The following LRFN2 variants were observed in gnomAD, a reference collection of about 807,000 sequenced individuals.
LRFN2 encodes leucine rich repeat and fibronectin type III domain containing 2.
In LRFN2, 18 loss-of-function variants were observed where a neutral mutation model predicts 37.3. That is an observed-to-expected ratio of 0.48 (90% CI 0.33 to 0.72). The LOEUF (loss-of-function observed/expected upper bound fraction) is 0.72, where lower values mean the gene tolerates loss of function less well. LRFN2 is among the 30% of genes least tolerant of loss of function. LRFN2 has a pLI of 0.02. For synonymous variants in LRFN2, 556 were observed against 466.6 expected, an observed-to-expected ratio of 1.19 and a Z score of -2.47; for missense variants, 1,006 against 1,060.7, an observed-to-expected ratio of 0.95 and a Z score of 0.72.
At chr6:40,419,908 T>C (rs1763181459) in intron 2 of LRFN2, among the ~76,000 whole-genome samples, 1 of 152,226 alleles carries the variant, frequency 6.6e-6, no homozygotes. Context: ...TTTAACCTTT[T>C]GCGGGGCTAA....
At chr6:40,444,187 G>A (rs1459863077) in intron 1 of LRFN2, among the ~76,000 whole-genome samples, 1 of 152,176 alleles carries the variant, frequency 6.6e-6, no homozygotes, top group Admixed American at 6.5e-5. Flanking sequence ...GCACAGACAG[G>A]TAGTCCTTCT....
intron 1 of LRFN2, among the ~76,000 whole-genome samples, chr6:40,504,626 C>T (rs1333168501): frequency 6.6e-6 from 1 of 152,098 alleles, no homozygotes; most frequent in Middle Eastern, 3.2e-3. Flanking sequence ...CAGAAGGAAA[C>T]AGTACAGAAA....
At chr6:40,481,574 T>A (rs77709169) in intron 1 of LRFN2, among the ~76,000 whole-genome samples, 2,421 of 152,296 alleles carry the variant, frequency 0.016, 61 homozygotes, top group African/African-American at 0.052. Context: ...TTGAATTTGC[T>A]TATTTTTCTT....
chr6:40,539,374 C>T (rs764888433), intron 1 of LRFN2, among the ~76,000 whole-genome samples: 26 of 152,166 alleles, frequency 1.7e-4, no homozygotes, highest in Non-Finnish European at 3.7e-4. Flanking sequence ...AAGGGTTCAG[C>T]GTAAGCCAAT....
chr6:40,433,963 C>T (rs927747141), intron 1 of LRFN2, among the ~76,000 whole-genome samples: 3 of 152,162 alleles, frequency 2.0e-5, no homozygotes, highest in Non-Finnish European at 4.4e-5. Flanking sequence ...GGCCTCAGAG[C>T]CTCCTTTGGA....
intron 1 of LRFN2, among the ~76,000 whole-genome samples, chr6:40,527,079 C>A (rs1453621496): frequency 6.6e-6 from 1 of 152,162 alleles, no homozygotes; most frequent in Non-Finnish European, 1.5e-5. Flanking sequence ...AAATGTGAGA[C>A]CAGTGATATC....
intron 1 of LRFN2, among the ~76,000 whole-genome samples, chr6:40,495,811 G>C (rs1765211787): frequency 6.6e-6 from 1 of 152,136 alleles, no homozygotes; most frequent in Non-Finnish European, 1.5e-5. Flanking sequence ...CTACTGAGAT[G>C]ATCATATCTG....
intron 1 of LRFN2, among the ~76,000 whole-genome samples, chr6:40,574,453 G>A (rs1033483): frequency 0.98 from 148,599 of 152,126 alleles, 72,618 homozygotes; most frequent in Middle Eastern, 1. Flanking sequence ...AGTAGCAGCT[G>A]TTAATAAGAA....
At chr6:40,517,026 G>A (rs1765898346) in intron 1 of LRFN2, among the ~76,000 whole-genome samples, 1 of 152,122 alleles carries the variant, frequency 6.6e-6, no homozygotes, top group African/African-American at 2.4e-5. Context: ...TGCCTGCATA[G>A]GGCTTACTTT....
intron 1 of LRFN2, among the ~76,000 whole-genome samples, chr6:40,548,440 C>CAAAAAAAAAAAAAAAA (rs67639435): frequency 3.4e-4 from 49 of 142,708 alleles, no homozygotes; most frequent in African/African-American, 1.0e-3. Flanking sequence ...GACTCCATCT[C>CAAAAAAAAAAAAAAAA]AAAAAAAAAA....
intron 1 of LRFN2, among the ~76,000 whole-genome samples, chr6:40,440,527 C>A (rs1248984133): frequency 6.6e-6 from 1 of 152,206 alleles, no homozygotes; most frequent in Non-Finnish European, 1.5e-5. Context: ...GATGCTCCAG[C>A]ATGAACAGAC....
At chr6:40,424,986 G>A (rs1763316383) in intron 2 of LRFN2, among the ~76,000 whole-genome samples, 1 of 152,246 alleles carries the variant, frequency 6.6e-6, no homozygotes, top group Non-Finnish European at 1.5e-5. Context: ...GAGGTGTGGA[G>A]TGGTAAGGTC....
At chr6:40,525,510 C>T (rs371692961) in intron 1 of LRFN2, among the ~76,000 whole-genome samples, 6 of 152,126 alleles carry the variant, frequency 3.9e-5, no homozygotes, top group African/African-American at 4.8e-5. Flanking sequence ...CAGTTCCAGC[C>T]GGCCTCCCAT....
chr6:40,549,740 G>T (rs1055650343), intron 1 of LRFN2, among the ~76,000 whole-genome samples: 1 of 151,468 alleles, frequency 6.6e-6, no homozygotes, highest in African/African-American at 2.4e-5. Flanking sequence ...ACAAACAACT[G>T]TTGAAATAAT....
At chr6:40,463,670 A>ATTTTTTTTTTTTTTTTTTTTTTTTTTTT in intron 1 of LRFN2, among the ~76,000 whole-genome samples, 1 of 76,528 alleles carries the variant, frequency 1.3e-5, no homozygotes, top group Non-Finnish European at 2.4e-5. Context: ...CTTTCTTTCT[A>ATTTTTTTTTTTTTTTTTTTTTTTTTTTT]TTTTTTTTTT....
At chr6:40,500,886 TC>T in intron 1 of LRFN2, among the ~76,000 whole-genome samples, 1 of 151,698 alleles carries the variant, frequency 6.6e-6, no homozygotes, top group Middle Eastern at 3.2e-3. Context: ...TACTGTGTTA[TC>T]CTTGAAGATG....
intron 1 of LRFN2, among the ~76,000 whole-genome samples, chr6:40,548,024 C>T (rs756434084): frequency 2.6e-5 from 4 of 152,216 alleles, no homozygotes; most frequent in Non-Finnish European, 5.9e-5. Flanking sequence ...CAGAAGGCAT[C>T]ATCTTTATTA....
At chr6:40,511,788 G>A (rs745670740) in intron 1 of LRFN2, among the ~76,000 whole-genome samples, 19 of 152,158 alleles carry the variant, frequency 1.2e-4, no homozygotes, top group Non-Finnish European at 2.4e-4. Flanking sequence ...GGAGAAGAAG[G>A]GGCACACAAT....
At chr6:40,491,570 G>A (rs1297802918) in intron 1 of LRFN2, among the ~76,000 whole-genome samples, 1 of 141,620 alleles carries the variant, frequency 7.1e-6, no homozygotes, top group Non-Finnish European at 1.5e-5. Flanking sequence ...CTCTGAGTGT[G>A]TTTCCCTCAC....
Sources: gnomAD v4.1 joint callset for allele counts (sites outside exome capture counted in the v4.1 genomes callset) on GRCh38, gnomAD v4.1.1 for gene constraint, MANE v1.5 for transcripts, NCBI Gene and HGNC (gene_info 2026-07-23, HGNC 2026-07-21) for gene names.